The following LINGO2 variants were observed in gnomAD, a reference collection of about 807,000 sequenced individuals.
LINGO2 encodes the protein leucine rich repeat and Ig domain containing 2, also known as leucine-rich repeat and immunoglobulin-like domain-containing nogo receptor-interacting protein 2.
A neutral mutation model predicts 30.6 loss-of-function variants in LINGO2; 14 were observed. That is an observed-to-expected ratio of 0.46 (90% CI 0.30 to 0.72). LINGO2 has a LOEUF of 0.72. LINGO2 is among the 30% of genes least tolerant of loss of function. The pLI, the probability that LINGO2 is intolerant of heterozygous loss-of-function variation, is 0.07. For synonymous variants in LINGO2, 317 were observed against 288.5 expected, an observed-to-expected ratio of 1.10 and a Z score of -1.00; for missense variants, 729 against 751.7, an observed-to-expected ratio of 0.97 and a Z score of 0.35.
intron 2 of LINGO2, among the ~76,000 whole-genome samples, chr9:28,429,862 A>G (rs999708790): frequency 1.3e-5 from 2 of 152,204 alleles, no homozygotes; most frequent in Admixed American, 1.3e-4. Flanking sequence ...GATGTAAGAA[A>G]CTGAAGATAG....
chr9:28,649,290 G>A (rs1241596323), intron 1 of LINGO2, among the ~76,000 whole-genome samples: 1 of 152,110 alleles, frequency 6.6e-6, no homozygotes. Flanking sequence ...AGTAGTAGAA[G>A]TAGTAACCAT....
chr9:28,771,712 T>C, the LINGO2 span, among the ~76,000 whole-genome samples: 1 of 152,088 alleles, frequency 6.6e-6, no homozygotes, highest in Non-Finnish European at 1.5e-5. Flanking sequence ...GCATTTAAAG[T>C]GATGAGCAGC....
the LINGO2 span, among the ~76,000 whole-genome samples, chr9:28,757,105 T>C: frequency 1.3e-5 from 2 of 152,068 alleles, no homozygotes; most frequent in Non-Finnish European, 2.9e-5. Flanking sequence ...TTAAAATCTC[T>C]ATAAATCCTA....
chr9:28,875,152 C>A, the LINGO2 span, among the ~76,000 whole-genome samples: 1 of 152,080 alleles, frequency 6.6e-6, no homozygotes, highest in African/African-American at 2.4e-5. Flanking sequence ...TTAACTTTTT[C>A]TCCTATCTTT....
chr9:28,689,290 C>A, the LINGO2 span, among the ~76,000 whole-genome samples: 953 of 152,248 alleles, frequency 6.3e-3, 3 homozygotes, highest in Middle Eastern at 0.014. Flanking sequence ...TGTCCCACAA[C>A]TGCAAAATAA....
chr9:29,159,759 G>A, the LINGO2 span, among the ~76,000 whole-genome samples: 2 of 151,080 alleles, frequency 1.3e-5, no homozygotes, highest in African/African-American at 2.4e-5. Flanking sequence ...TCCGGAAGCA[G>A]AGACAAGAGA....
chr9:28,014,743 T>G (rs78736706), intron 4 of LINGO2, among the ~76,000 whole-genome samples: 3,116 of 152,264 alleles, frequency 0.02, 131 homozygotes, highest in African/African-American at 0.072. Context: ...TGTGACTGTC[T>G]GACCTTGAAG....
At chr9:29,072,336 C>T in the LINGO2 span, among the ~76,000 whole-genome samples, 219 of 151,590 alleles carry the variant, frequency 1.4e-3, no homozygotes, top group African/African-American at 3.7e-3. Flanking sequence ...AGAACGACAG[C>T]GAATGGAAAC....
At chr9:29,180,587 G>A in the LINGO2 span, among the ~76,000 whole-genome samples, 1 of 152,072 alleles carries the variant, frequency 6.6e-6, no homozygotes, top group Non-Finnish European at 1.5e-5. Context: ...AAGATGTCCT[G>A]TGTCTCTAGG....
the LINGO2 span, among the ~76,000 whole-genome samples, chr9:29,097,714 C>T: frequency 1.4e-5 from 2 of 138,008 alleles, no homozygotes; most frequent in Non-Finnish European, 3.1e-5. Context: ...GTAAGAATCG[C>T]TTGGTAGTAT....
chr9:29,111,883 A>T, the LINGO2 span, among the ~76,000 whole-genome samples: 1 of 150,300 alleles, frequency 6.7e-6, no homozygotes, highest in Non-Finnish European at 1.5e-5. Flanking sequence ...GTATATATAC[A>T]TATATTTATA....
At chr9:28,800,306 A>AT in the LINGO2 span, among the ~76,000 whole-genome samples, 1 of 152,154 alleles carries the variant, frequency 6.6e-6, no homozygotes, top group African/African-American at 2.4e-5. Flanking sequence ...AAATGTTTCT[A>AT]TTTTTTGGTA....
the LINGO2 span, among the ~76,000 whole-genome samples, chr9:29,088,397 C>T: frequency 6.6e-6 from 1 of 152,048 alleles, no homozygotes; most frequent in Non-Finnish European, 1.5e-5. Flanking sequence ...CCTAAAGAGT[C>T]GACTCTGAGT....
the LINGO2 span, among the ~76,000 whole-genome samples, chr9:28,679,882 T>C: frequency 1.1e-3 from 172 of 152,172 alleles, no homozygotes; most frequent in Admixed American, 6.6e-3. Flanking sequence ...CACTGTGGAA[T>C]GGCTAATGTA....
chr9:28,130,422 TTTAAG>T lies in LINGO2; in HGVS notation c.-86-118022_-86-118018del, dbSNP rs1314031427. 6.6e-6 allele frequency among the ~76,000 whole-genome samples: 1 copy of T among 152,212 alleles called. No individual in the cohort carries two copies. The highest frequency in any genetic ancestry group is 1.5e-5 in the Non-Finnish European group (1 of 68,026). On this transcript the variant is annotated intron_variant, in intron 4 of 5. Coordinates refer to ENST00000379992, the Ensembl canonical transcript of LINGO2. This position sits in a 1 kb window ranked among gnomAD's most constrained non-coding sequence, Gnocchi z 5.2. Reference sequence around the variant, plus strand: ...GGGAGACAGTGCCAGACTGCTAAACTTTAAGTTCTTTTTCTTCCCAATTTAAATTT... The same window carrying T: ...GGGAGACAGTGCCAGACTGCTAAACTTTCTTTTTCTTCCCAATTTAAATTT...
chr9:28,450,913 T>C (rs1471741171), intron 2 of LINGO2, among the ~76,000 whole-genome samples: 1 of 151,994 alleles, frequency 6.6e-6, no homozygotes, highest in Non-Finnish European at 1.5e-5. Flanking sequence ...CCCACTCTCC[T>C]CATTGATTTT....
intron 3 of LINGO2, among the ~76,000 whole-genome samples, chr9:28,371,752 A>C (rs1331866): frequency 0.78 from 119,260 of 152,128 alleles, 47,983 homozygotes; most frequent in Middle Eastern, 0.9. Flanking sequence ...ACTTGAATTA[A>C]AATATACTTG....
intron 2 of LINGO2, among the ~76,000 whole-genome samples, chr9:28,473,218 G>C (rs183202376): frequency 0.013 from 1,946 of 151,054 alleles, 35 homozygotes; most frequent in African/African-American, 0.045. Flanking sequence ...TTTTTTTTCA[G>C]CAGAAAGCTT....
chr9:28,878,589 A>G, the LINGO2 span, among the ~76,000 whole-genome samples: 1 of 152,244 alleles, frequency 6.6e-6, no homozygotes, highest in African/African-American at 2.4e-5. Context: ...AAAATCCTCA[A>G]TAAAATACTG....
Sources: gnomAD v4.1 joint callset for allele counts (sites outside exome capture counted in the v4.1 genomes callset) on GRCh38, gnomAD v4.1.1 for gene constraint, Gnocchi (gnomAD v3.1) non-coding constraint, MANE v1.5 for transcripts, NCBI Gene and HGNC (gene_info 2026-07-23, HGNC 2026-07-21) for gene names.